The following RARS1 variants were observed in gnomAD, a reference collection of about 807,000 sequenced individuals.
The protein encoded by RARS1 is arginyl-tRNA synthetase 1, also known as arginine--tRNA ligase, cytoplasmic.
Under a neutral mutation model 78.7 loss-of-function variants are expected in RARS1, and 75 were observed. The observed-to-expected ratio is 0.95, with a 90% CI of 0.79 to 1.15. The LOEUF (loss-of-function observed/expected upper bound fraction) is 1.15, where lower values mean the gene tolerates loss of function less well. Among genes scored for constraint, RARS1 ranks in the 50% most tolerant of loss-of-function variants. RARS1 has a pLI of 0.00. For synonymous variants in RARS1, 273 were observed against 268.2 expected (o/e 1.02, Z -0.18); for missense variants, 787 against 787.5 (o/e 1.00, Z 0.01).
intron 13 of RARS1, 104 bp from the exon 14 acceptor site, chr5:168,517,711 A>G: frequency 1.5e-6 from 2 of 1,363,254 alleles, no homozygotes; most frequent in South Asian, 1.5e-5. Flanking sequence ...ACTTCATTTT[A>G]TAGGAACTTC....
At chr5:168,493,222 T>C (rs1049656177) in intron 3 of RARS1, 1 of 164,346 alleles carries the variant, frequency 6.1e-6, no homozygotes, top group Non-Finnish European at 1.3e-5. Flanking sequence ...CTGTGATCTT[T>C]GAGCCAGGCT....
intron 13 of RARS1, 44 bp from the exon 14 acceptor site, chr5:168,517,767 AAAAG>A (rs763865414): frequency 1.3e-6 from 2 of 1,578,142 alleles, no homozygotes; most frequent in African/African-American, 2.7e-5. Flanking sequence ...TGTGCCTAAA[AAAAG>A]GGAACAGTGG....
chr5:168,517,374 C>T (rs1277106772), intron 13 of RARS1, among the ~76,000 whole-genome samples: 1 of 152,124 alleles, frequency 6.6e-6, no homozygotes, highest in African/African-American at 2.4e-5. Flanking sequence ...AACTCTGGAC[C>T]TCAAGTGATT....
At position 168,495,306 on chromosome 5, in the gene RARS1, C is replaced by G; in HGVS notation, c.580-9C>G. The G allele has an allele frequency of 1.5e-5, 24 of 1,612,166 alleles. No homozygotes were observed. The highest frequency in any genetic ancestry group is 1.9e-5 in the Non-Finnish European group (22 of 1,179,064). ...CTCTTAACAGCCTTTCTCTTTTTGT[C>G]TACCCCAGGTTATAGTTGACTTTTC... On this transcript the variant is annotated splice_polypyrimidine_tract_variant and intron_variant, in intron 5 of 14. Coordinates refer to ENST00000231572, the MANE Select transcript of RARS1 (RefSeq NM_002887.4).
At position 168,517,955 on chromosome 5, in the gene RARS1, T is replaced by C; in HGVS notation, c.1766T>C (p.Leu589Ser). 6.2e-7 allele frequency: 1 copy of C among 1,614,010 alleles called. No homozygotes were observed. Among genetic ancestry groups the C allele is most frequent in the Non-Finnish European group, 8.5e-7 (1 of 1,179,994 alleles). ...LRFPEILQKI[L>S]DDLFLHTLCD... The stretch of plus-strand genomic sequence containing the variant: ...TTCCCTGAGATTCTGCAAAAGATTT[T>C]AGATGACTTATTTCTCCACACTCTC... The change falls in exon 14 of 15, where the codon TTA becomes TCA. Residue 589 changes from leucine (L) to serine (S), a missense_variant. Physicochemically the swap from Leu to Ser is moderately radical, Grantham distance 145 (BLOSUM62 -2). Transcript: ENST00000231572.
chr5:168,496,608 G>T (rs991904852), intron 6 of RARS1, among the ~76,000 whole-genome samples: 1 of 151,120 alleles, frequency 6.6e-6, no homozygotes, highest in African/African-American at 2.4e-5. Flanking sequence ...TCATCCTCCC[G>T]AGTAGCTGGG....
At chr5:168,498,858 T>C (rs985461397) in intron 7 of RARS1, among the ~76,000 whole-genome samples, 6 of 151,952 alleles carry the variant, frequency 3.9e-5, no homozygotes, top group Non-Finnish European at 7.4e-5. Context: ...TCTCAGCTAC[T>C]TGGGAGGCTA....
At chr5:168,511,960 G>A (rs564665666) in intron 12 of RARS1, among the ~76,000 whole-genome samples, 1 of 152,226 alleles carries the variant, frequency 6.6e-6, no homozygotes, top group South Asian at 2.1e-4. Flanking sequence ...GACCTCCTGG[G>A]CTCAAGTGAT....
chr5:168,502,358 A>G (rs1758344288), intron 9 of RARS1, among the ~76,000 whole-genome samples: 1 of 133,140 alleles, frequency 7.5e-6, no homozygotes, highest in Admixed American at 7.8e-5. Context: ...CATTATAATA[A>G]CAAATATATA....
intron 9 of RARS1, among the ~76,000 whole-genome samples, chr5:168,503,207 G>A (rs1040414412): frequency 1.3e-5 from 2 of 152,288 alleles, no homozygotes; most frequent in Admixed American, 6.5e-5. Context: ...TTCCCCATCA[G>A]ACTTTTCCCT....
chr5:168,499,017 T>A (rs1487208428), intron 7 of RARS1, among the ~76,000 whole-genome samples: 1 of 152,072 alleles, frequency 6.6e-6, no homozygotes, highest in African/African-American at 2.4e-5. Flanking sequence ...TAAAAATGTT[T>A]TTTAAAAATT....
intron 9 of RARS1, among the ~76,000 whole-genome samples, chr5:168,505,535 C>G (rs528612769): frequency 2.6e-4 from 39 of 152,152 alleles, no homozygotes; most frequent in African/African-American, 8.9e-4. Flanking sequence ...GAAAGCAAAG[C>G]AGATTTTCAT....
At chr5:168,489,274 GC>G (rs1758030848) in intron 2 of RARS1, among the ~76,000 whole-genome samples, 2 of 152,014 alleles carry the variant, frequency 1.3e-5, no homozygotes, top group Admixed American at 1.3e-4. Flanking sequence ...CCCTGTCTTG[GC>G]CTCCCAAAGT....
intron 10 of RARS1, 100 bp from the exon 11 acceptor site, chr5:168,506,622 C>T (rs367687827): frequency 8.5e-5 from 71 of 837,342 alleles, no homozygotes; most frequent in African/African-American, 6.8e-4. Flanking sequence ...GATTTATGAG[C>T]GATTTGAATT....
intron 1 of RARS1, chr5:168,488,197 G>A (rs964905304): frequency 2.1e-5 from 8 of 386,420 alleles, no homozygotes; most frequent in African/African-American, 8.6e-5. Context: ...GCACGATCTC[G>A]ACTCACCGCA....
Position 168,494,905 on chromosome 5 carries a change from G to T in RARS1, c.579+255G>T, listed in dbSNP as rs1582429247. 5 of 385,494 alleles carry T rather than the reference G, an allele frequency of 1.3e-5. No individual in the cohort carries two copies. In the East Asian group the frequency reaches 2.2e-4, roughly 17 times the overall value. 23.9% of individuals were successfully genotyped at this position (385,494 alleles called of 1,614,324 possible). On this transcript the variant is annotated intron_variant, in intron 5 of 14. Transcript: ENST00000231572. ...ACTGCATGGAAAGTGCTGAAACCGGGAATGGATTTCACTTTTATACTGAAA... is the reference window on the plus strand; with the variant it reads ...ACTGCATGGAAAGTGCTGAAACCGGTAATGGATTTCACTTTTATACTGAAA...
intron 13 of RARS1, 53 bp from the exon 14 acceptor site, chr5:168,517,762 C>T: frequency 7.7e-7 from 1 of 1,298,986 alleles, no homozygotes; most frequent in Non-Finnish European, 1.0e-6. Flanking sequence ...ATGAGTGTGC[C>T]TAAAAAAAGG....
rs766254349 is a variant in RARS1 at position 168,493,898 on chromosome 5, T to C, written c.374T>C (p.Leu125Pro). ...CNSAMGISQM[L>P]KTKEQKVNPR... ...TCATTTTATATTGTGTTGTAGATGC[T>C]CAAAACCAAGGAACAGAAAGTTAAT... Residue 125 changes from leucine (L) to proline (P), a missense_variant, in exon 4 of 15, where the codon CTC (leucine) becomes CCC (proline). Transcript: ENST00000231572. 1.2e-6 allele frequency: 2 copies of C among 1,609,362 alleles called. No individual in the cohort carries two copies. Among genetic ancestry groups the C allele is most frequent in the South Asian group, 1.1e-5 (1 of 90,874 alleles).
Position 168,487,271 on chromosome 5 carries a change from CAGG to C in RARS1, c.45+731_45+733del, listed in dbSNP as rs557398009. 5.3e-4 allele frequency among the ~76,000 whole-genome samples: 81 copies of C among 151,976 alleles called. No homozygotes were observed. The East Asian group carries it at 0.013, about 25-fold the overall frequency. On this transcript the variant is annotated intron_variant, in intron 1 of 14. Transcript: ENST00000231572. ...TTCCTAGCTACTCGGGAGGCTGAGG[CAGG>C]AGAATGGCGTGAACCCGGGAGGCGG...
Sources: allele counts gnomAD v4.1 joint callset (sites outside exome capture counted in the v4.1 genomes callset), GRCh38; gene constraint gnomAD v4.1.1; transcripts MANE v1.5; gene names NCBI Gene and HGNC (gene_info 2026-07-23, HGNC 2026-07-21).